The following LAPTM4B variants were observed in gnomAD, a reference collection of about 807,000 sequenced individuals.
The protein encoded by LAPTM4B is lysosomal-associated transmembrane protein 4B.
Under a neutral mutation model 28.5 loss-of-function variants are expected in LAPTM4B, and 26 were observed. The observed-to-expected ratio is 0.91, with a 90% CI of 0.67 to 1.27. The LOEUF (loss-of-function observed/expected upper bound fraction) is 1.27, where lower values mean the gene tolerates loss of function less well. Ranked by LOEUF, LAPTM4B falls within the 50% of genes most tolerant of loss-of-function variation. LAPTM4B has a pLI of 0.00. For missense variants in LAPTM4B, 288 were observed against 285.8 expected, an observed-to-expected ratio of 1.01 and a Z score of -0.06; for synonymous variants, 109 against 106.4, an observed-to-expected ratio of 1.02 and a Z score of -0.15.
chr8:97,840,106 C>G (rs1817323902), intron 6 of LAPTM4B, among the ~76,000 whole-genome samples: 1 of 152,204 alleles, frequency 6.6e-6, no homozygotes. Context: ...CAGGAACATG[C>G]AGAGGCAGCT....
chr8:97,813,154 G>A lies in LAPTM4B; in HGVS notation c.212-2174G>A, dbSNP rs145112839. Among the ~76,000 whole-genome samples, 521 of 152,338 alleles carry A rather than the reference G, an allele frequency of 3.4e-3. 2 individuals are homozygous for A. Among genetic ancestry groups the A allele is most frequent in the African/African-American group, 0.012 (489 of 41,574 alleles). On this transcript the variant is annotated intron_variant, in intron 2 of 6. Transcript: ENST00000521545. ...CATGATAGGCCATCTGCAAGTTGAGGAGCAAGGAAGCCAGTGATGGATCAG... is the reference window on the plus strand; with the variant it reads ...CATGATAGGCCATCTGCAAGTTGAGAAGCAAGGAAGCCAGTGATGGATCAG...
At chr8:97,835,154 A>T (rs1337788172) in intron 6 of LAPTM4B, among the ~76,000 whole-genome samples, 2 of 152,212 alleles carry the variant, frequency 1.3e-5, no homozygotes, top group Non-Finnish European at 2.9e-5. Context: ...CCACATTTAC[A>T]TAATAACATG....
At chr8:97,802,927 A>G (rs2331589) in intron 1 of LAPTM4B, among the ~76,000 whole-genome samples, 67,450 of 151,908 alleles carry the variant, frequency 0.44, 15,463 homozygotes, top group East Asian at 0.57. Context: ...CCGGCCAGGC[A>G]CGGTGCCTCA....
chr8:97,783,601 AC>A (rs1468121603), intron 1 of LAPTM4B, among the ~76,000 whole-genome samples: 2 of 152,086 alleles, frequency 1.3e-5, no homozygotes, highest in African/African-American at 4.8e-5. Context: ...GGAAAGATTA[AC>A]CGAGAGATTG....
chr8:97,805,506 T>A, intron 2 of LAPTM4B, 42 bp downstream of exon 2: 2 of 1,055,150 alleles, frequency 1.9e-6, no homozygotes, highest in Non-Finnish European at 3.0e-6. Context: ...GCAGGGAATC[T>A]GACTGCCAGC....
intron 1 of LAPTM4B, among the ~76,000 whole-genome samples, chr8:97,781,981 C>CTTTTTTTT (rs140423500): frequency 7.1e-6 from 1 of 140,278 alleles, no homozygotes. Context: ...ACTTTGGGGA[C>CTTTTTTTT]TTTTTTTTTT....
intron 6 of LAPTM4B, among the ~76,000 whole-genome samples, chr8:97,826,450 C>T (rs2513957): frequency 0.86 from 131,288 of 152,232 alleles, 58,296 homozygotes; most frequent in East Asian, 0.96. Flanking sequence ...TCAAAATTTT[C>T]GTGATTTTGA....
chr8:97,831,058 G>A (rs749176488), intron 6 of LAPTM4B, among the ~76,000 whole-genome samples: 2 of 152,142 alleles, frequency 1.3e-5, no homozygotes, highest in Non-Finnish European at 2.9e-5. Flanking sequence ...TCTTTTTTGC[G>A]TTGGAGGGTG....
chr8:97,827,333 G>A (rs2129817201), intron 6 of LAPTM4B, among the ~76,000 whole-genome samples: 1 of 152,308 alleles, frequency 6.6e-6, no homozygotes, highest in South Asian at 2.1e-4. Flanking sequence ...GGGAAGGAAT[G>A]CTGACTGTCC....
chr8:97,842,969 C>T (rs1273462602), intron 6 of LAPTM4B, among the ~76,000 whole-genome samples: 1 of 151,902 alleles, frequency 6.6e-6, no homozygotes, highest in Non-Finnish European at 1.5e-5. Flanking sequence ...ACCTCCACCT[C>T]CTGGGTTCAA....
At chr8:97,815,953 C>G (rs1816905235) in intron 3 of LAPTM4B, 105 bp from the exon 4 acceptor site, 1 of 1,154,078 alleles carries the variant, frequency 8.7e-7, no homozygotes, top group African/African-American at 1.6e-5. Context: ...TTAATGAATT[C>G]CAATTTTTCC....
At chr8:97,817,446 T>C (rs866831588) in intron 4 of LAPTM4B, among the ~76,000 whole-genome samples, 23,022 of 72,744 alleles carry the variant, frequency 0.32, 2,422 homozygotes, top group Non-Finnish European at 0.47. Context: ...CCAACTTTAC[T>C]TTTTTTTTTT....
intron 6 of LAPTM4B, among the ~76,000 whole-genome samples, chr8:97,849,059 A>G (rs746937109): frequency 3.3e-5 from 5 of 152,178 alleles, no homozygotes; most frequent in Admixed American, 3.3e-4. Context: ...TATCTTTCCA[A>G]CTTCATCTCT....
At chr8:97,847,985 T>C (rs554704241) in intron 6 of LAPTM4B, among the ~76,000 whole-genome samples, 7 of 152,292 alleles carry the variant, frequency 4.6e-5, no homozygotes, top group African/African-American at 1.7e-4. Flanking sequence ...AAGTACTGGC[T>C]GGGCATGGTG....
intron 1 of LAPTM4B, among the ~76,000 whole-genome samples, chr8:97,801,525 C>G (rs1216433915): frequency 6.6e-6 from 1 of 152,114 alleles, no homozygotes; most frequent in African/African-American, 2.4e-5. Flanking sequence ...GATCCTATTT[C>G]AGTCCACAAT....
chr8:97,851,424 A>G lies in LAPTM4B; in HGVS notation c.631A>G (p.Thr211Ala), dbSNP rs764428057. Residue 211 changes from threonine (T) to alanine (A), a missense_variant, in exon 7 of 7, where the codon ACT (threonine) becomes GCT (alanine). By Grantham distance (58) the Thr-to-Ala change is moderately conservative. Coordinates refer to ENST00000521545, the MANE Select transcript of LAPTM4B (RefSeq NM_018407.6). Reference protein sequence around the residue: ...TVLLPPYDDATVNGAAKEPPP... With the variant: ...TVLLPPYDDAAVNGAAKEPPP... The stretch of plus-strand genomic sequence containing the variant: ...GCTGCTACCCCCGTATGATGATGCC[A>G]CTGTGAATGGTGCTGCCAAGGAGCC... The G allele has an allele frequency of 3.1e-6, 5 of 1,613,968 alleles. No individual in the cohort carries two copies. The highest frequency in any genetic ancestry group is 3.3e-5 in the Admixed American group (2 of 59,994).
intron 1 of LAPTM4B, among the ~76,000 whole-genome samples, chr8:97,790,648 A>C (rs1033148930): frequency 6.6e-6 from 1 of 151,948 alleles, no homozygotes; most frequent in Non-Finnish European, 1.5e-5. Flanking sequence ...GTTTCACCAC[A>C]TTGGCCAGGG....
intron 1 of LAPTM4B, among the ~76,000 whole-genome samples, chr8:97,784,703 G>T (rs973828490): frequency 6.6e-6 from 1 of 152,154 alleles, no homozygotes; most frequent in Non-Finnish European, 1.5e-5. Flanking sequence ...CTCCCAAAGT[G>T]TTGGGATTAC....
intron 6 of LAPTM4B, among the ~76,000 whole-genome samples, chr8:97,836,568 G>A (rs759409085): frequency 3.3e-5 from 5 of 152,046 alleles, no homozygotes; most frequent in Non-Finnish European, 1.5e-5. Context: ...ATAAGAGCCA[G>A]TATTATGTTA....
Sources: gnomAD v4.1 joint callset for allele counts (sites outside exome capture counted in the v4.1 genomes callset) on GRCh38, gnomAD v4.1.1 for gene constraint, MANE v1.5 for transcripts, NCBI Gene and HGNC (gene_info 2026-07-23, HGNC 2026-07-21) for gene names.